SLC8A1: variants seen among roughly 807,000 people sequenced by gnomAD.
The protein encoded by SLC8A1 is sodium/calcium exchanger 1.
SLC8A1 carries 18 observed loss-of-function variants against 68.3 expected under a neutral mutation model. That is an observed-to-expected ratio of 0.26 (90% CI 0.18 to 0.39). The LOEUF is 0.39. Ranked by LOEUF, SLC8A1 falls within the 10% of genes least tolerant of loss-of-function variation. The probability of loss-of-function intolerance (pLI) is 1.00; values close to 1 mark genes in which losing one functional copy is unlikely to be tolerated. For missense variants in SLC8A1, 985 were observed against 1,156.7 expected, an observed-to-expected ratio of 0.85 and a Z score of 2.15; for synonymous variants, 475 against 415.5, an observed-to-expected ratio of 1.14 and a Z score of -1.74.
At chr2:40,341,664 CA>C (rs1667734637) in intron 2 of SLC8A1, among the ~76,000 whole-genome samples, 1 of 152,106 alleles carries the variant, frequency 6.6e-6, no homozygotes, top group Admixed American at 6.6e-5. Context: ...GTAAAAATTG[CA>C]GTTAATGTAC....
chr2:40,157,596 T>A (rs1375919668), intron 6 of SLC8A1, among the ~76,000 whole-genome samples: 1 of 152,172 alleles, frequency 6.6e-6, no homozygotes, highest in Admixed American at 6.5e-5. Flanking sequence ...TGGCACACGA[T>A]TTTTTAGAGT....
At chr2:40,323,213 G>A (rs1047681183) in intron 2 of SLC8A1, among the ~76,000 whole-genome samples, 7 of 152,074 alleles carry the variant, frequency 4.6e-5, no homozygotes, top group Non-Finnish European at 5.9e-5. Context: ...TTTCTTAAAT[G>A]GCTGTGAAGA....
chr2:40,254,601 TTATTTC>T (rs2063578273), intron 2 of SLC8A1: 1 of 152,184 alleles, frequency 6.6e-6, no homozygotes, highest in South Asian at 2.1e-4. Flanking sequence ...TTCTTTTTTA[TTATTTC>T]TAATTTTCCT....
intron 2 of SLC8A1, among the ~76,000 whole-genome samples, chr2:40,358,211 T>C (rs1673368421): frequency 6.6e-6 from 1 of 151,704 alleles, no homozygotes; most frequent in African/African-American, 2.4e-5. Context: ...AGTAGCTATT[T>C]AAGGTTTTTA....
At chr2:40,236,040 G>C (rs920011340) in intron 2 of SLC8A1, among the ~76,000 whole-genome samples, 14 of 151,936 alleles carry the variant, frequency 9.2e-5, no homozygotes, top group African/African-American at 2.7e-4. Flanking sequence ...AATTTTGGAA[G>C]AGGTGTGGTG....
At chr2:40,434,014 T>C (rs909259339) in intron 1 of SLC8A1, among the ~76,000 whole-genome samples, 3 of 152,190 alleles carry the variant, frequency 2.0e-5, no homozygotes, top group Non-Finnish European at 4.4e-5. Context: ...TCTGGTCTTT[T>C]AGCAATTGCC....
At chr2:40,186,523 G>C (rs2050731754) in intron 2 of SLC8A1, among the ~76,000 whole-genome samples, 2 of 152,022 alleles carry the variant, frequency 1.3e-5, no homozygotes, top group Non-Finnish European at 2.9e-5. Context: ...AATAAGGACA[G>C]GTTGCTATTC....
chr2:40,493,497 A>C (rs942233678), intron 1 of SLC8A1, among the ~76,000 whole-genome samples: 1 of 139,926 alleles, frequency 7.1e-6, no homozygotes, highest in Non-Finnish European at 1.6e-5. Flanking sequence ...AAAGTATAAT[A>C]AAATAAAATA....
chr2:40,436,622 G>T (rs1041458014), intron 1 of SLC8A1, among the ~76,000 whole-genome samples: 11 of 152,048 alleles, frequency 7.2e-5, no homozygotes, highest in African/African-American at 1.2e-4. Flanking sequence ...CATACTCAAG[G>T]AAGTACATCT....
intron 7 of SLC8A1, among the ~76,000 whole-genome samples, chr2:40,133,858 A>G (rs1183858594): frequency 1.3e-5 from 2 of 152,130 alleles, no homozygotes; most frequent in African/African-American, 4.8e-5. Flanking sequence ...GGCCCAATAT[A>G]CCCAAGGCTT....
chr2:40,246,975 A>T (rs543157265), intron 2 of SLC8A1, among the ~76,000 whole-genome samples: 26 of 152,288 alleles, frequency 1.7e-4, no homozygotes, highest in African/African-American at 6.3e-4. Flanking sequence ...ATTGCCTTGG[A>T]TTCTTTCATC....
exon 8 of SLC8A1, chr2:40,107,564 T>C (rs1176999729): frequency 6.6e-6 from 1 of 152,186 alleles, no homozygotes; most frequent in African/African-American, 2.4e-5. Context: ...AGTACTTCTC[T>C]TTGTATTATA....
intron 2 of SLC8A1, among the ~76,000 whole-genome samples, chr2:40,195,462 G>T (rs2148669349): frequency 6.6e-6 from 1 of 152,082 alleles, no homozygotes; most frequent in Admixed American, 6.6e-5. Context: ...GACTTGTGGA[G>T]AACTGGAGGA....
chr2:40,489,396 T>A (rs1204777305), intron 1 of SLC8A1, among the ~76,000 whole-genome samples: 1 of 151,966 alleles, frequency 6.6e-6, no homozygotes, highest in Non-Finnish European at 1.5e-5. Context: ...ATATCAAAAA[T>A]AGACTCCACA....
chr2:40,101,795 A>T (rs2033907186), exon 8 of SLC8A1: 1 of 152,128 alleles, frequency 6.6e-6, no homozygotes, highest in South Asian at 2.1e-4. Context: ...AGCATGCATC[A>T]GAACCATCCT....
At chr2:40,420,514 C>A (rs989073994) in intron 2 of SLC8A1, among the ~76,000 whole-genome samples, 1 of 152,050 alleles carries the variant, frequency 6.6e-6, no homozygotes, top group Admixed American at 6.6e-5. Context: ...AAACTAGGAA[C>A]ATAGGGAAAT....
intron 2 of SLC8A1, among the ~76,000 whole-genome samples, chr2:40,415,436 AAAAAG>A (rs964392553): frequency 2.0e-5 from 3 of 151,984 alleles, no homozygotes; most frequent in African/African-American, 7.2e-5. Flanking sequence ...GAAAAAAAAA[AAAAAG>A]AAAACTGCCA....
intron 2 of SLC8A1, among the ~76,000 whole-genome samples, chr2:40,306,359 T>C (rs983443166): frequency 6.6e-6 from 1 of 151,520 alleles, no homozygotes; most frequent in African/African-American, 2.4e-5. Flanking sequence ...AGGCAGGAAT[T>C]GAGAAGGGTC....
At chr2:40,466,441 C>G (rs1703679823) in intron 1 of SLC8A1, among the ~76,000 whole-genome samples, 1 of 152,274 alleles carries the variant, frequency 6.6e-6, no homozygotes, top group Middle Eastern at 3.4e-3. Context: ...TCCTCTACAG[C>G]TTTTACATCC....
Sources: allele counts gnomAD v4.1 joint callset (sites outside exome capture counted in the v4.1 genomes callset), GRCh38; gene constraint gnomAD v4.1.1; transcripts MANE v1.5; gene names NCBI Gene and HGNC (gene_info 2026-07-23, HGNC 2026-07-21).